SPHKAP: variants seen among roughly 807,000 people sequenced by gnomAD.
SPHKAP encodes SPHK1 interactor, AKAP domain containing, also known as A-kinase anchor protein SPHKAP.
SPHKAP carries 67 observed loss-of-function variants against 137.5 expected under a neutral mutation model. The observed-to-expected ratio is 0.49, with a 90% confidence interval of 0.40 to 0.60. The LOEUF (loss-of-function observed/expected upper bound fraction) is 0.60. SPHKAP is among the 20% of genes least tolerant of loss of function. The probability of loss-of-function intolerance (pLI) is 0.00; values close to 1 mark genes in which losing one functional copy is unlikely to be tolerated. For synonymous variants in SPHKAP, 813 were observed against 785.3 expected (o/e 1.04, Z -0.59); for missense variants, 2,097 against 2,069.3 (o/e 1.01, Z -0.26).
chr2:228,096,870 A>G (rs960642578), intron 3 of SPHKAP, among the ~76,000 whole-genome samples: 3 of 152,304 alleles, frequency 2.0e-5, no homozygotes, highest in African/African-American at 4.8e-5. Context: ...AAAGAAAGAA[A>G]TCATACTCTG....
At chr2:228,003,792 A>G (rs186342759) in intron 7 of SPHKAP, among the ~76,000 whole-genome samples, 32 of 152,334 alleles carry the variant, frequency 2.1e-4, no homozygotes, top group Non-Finnish European at 3.7e-4. Flanking sequence ...AATTTTGTCA[A>G]AGGACTTTTC....
intron 7 of SPHKAP, among the ~76,000 whole-genome samples, chr2:228,009,354 C>T (rs1285442800): frequency 6.6e-6 from 1 of 152,026 alleles, no homozygotes; most frequent in Non-Finnish European, 1.5e-5. Context: ...GATTTTCTTT[C>T]TGTTGATCCT....
At chr2:228,100,800 TTTGTTG>T (rs531326490) in intron 3 of SPHKAP, among the ~76,000 whole-genome samples, 6 of 151,904 alleles carry the variant, frequency 3.9e-5, no homozygotes, top group South Asian at 2.1e-4. Flanking sequence ...TGGCATGCAG[TTTGTTG>T]TTGTTGTTGT....
chr2:228,153,980 T>C lies in SPHKAP; in HGVS notation c.33-21895A>G, dbSNP rs148775123. ...AAAGCTTCCCAGAAAGAATCAGAAG[T>C]AGTTGGATAGAGAAGGATGGCAAAT... On this transcript the variant is annotated intron_variant, in intron 1 of 11. Coordinates refer to ENST00000392056, the MANE Select transcript of SPHKAP (RefSeq NM_001142644.2). 1.1e-3 allele frequency among the ~76,000 whole-genome samples: 161 copies of C among 152,114 alleles called. 3 individuals are homozygous for C. In the East Asian group the frequency reaches 0.021, roughly 20 times the overall value.
Position 228,046,668 on chromosome 2 carries a change from T to C in SPHKAP, c.247-19125A>G, listed in dbSNP as rs139646079. On this transcript the variant is annotated intron_variant, in intron 3 of 11. Transcript: ENST00000392056. Reference sequence around the variant, plus strand: ...TTATTCCCTGAAGCACTCATTAATCTGGCTTTAGTATATTCAGAAAACAAC... The same window carrying C: ...TTATTCCCTGAAGCACTCATTAATCCGGCTTTAGTATATTCAGAAAACAAC... 8.2e-4 allele frequency among the ~76,000 whole-genome samples: 125 copies of C among 152,322 alleles called. 1 individual carries two copies. The highest frequency in any genetic ancestry group is 3.4e-3 in the Middle Eastern group (1 of 294).
At chr2:227,993,419 A>G (rs1356380071) in intron 9 of SPHKAP, 115 bp downstream of exon 9, 25 of 917,052 alleles carry the variant, frequency 2.7e-5, no homozygotes, top group Middle Eastern at 4.3e-4. Context: ...ATGGAACCAC[A>G]GCAGTACAGA....
chr2:228,142,174 G>C (rs937819828), intron 1 of SPHKAP, among the ~76,000 whole-genome samples: 1 of 152,168 alleles, frequency 6.6e-6, no homozygotes, highest in African/African-American at 2.4e-5. Context: ...AGTAAAAGAG[G>C]AGAGAGAAGA....
At chr2:227,996,520 G>A (rs1490828849) in intron 7 of SPHKAP, among the ~76,000 whole-genome samples, 4 of 152,098 alleles carry the variant, frequency 2.6e-5, no homozygotes, top group South Asian at 2.1e-4. Context: ...TTCCACAGTC[G>A]GTTCCTAAGC....
intron 4 of SPHKAP, among the ~76,000 whole-genome samples, 157 bp downstream of exon 4, chr2:228,027,327 G>A (rs1695082565): frequency 1.3e-5 from 2 of 152,296 alleles, no homozygotes; most frequent in South Asian, 4.1e-4. Context: ...AAGGGCAAAC[G>A]GTAGAGGGTA....
chr2:228,114,722 A>G (rs1698649973), intron 2 of SPHKAP, among the ~76,000 whole-genome samples: 2 of 152,108 alleles, frequency 1.3e-5, no homozygotes, highest in Admixed American at 1.3e-4. Context: ...TCTTCACAAC[A>G]TTTGACAATT....
intron 3 of SPHKAP, among the ~76,000 whole-genome samples, chr2:228,033,260 CAA>C (rs1465711283): frequency 6.6e-6 from 1 of 152,054 alleles, no homozygotes; most frequent in Non-Finnish European, 1.5e-5. Flanking sequence ...TTTAAACTAA[CAA>C]AGATCAAAAG....
At chr2:228,126,995 T>C (rs575997366) in intron 2 of SPHKAP, among the ~76,000 whole-genome samples, 15 of 152,334 alleles carry the variant, frequency 9.8e-5, no homozygotes, top group African/African-American at 3.4e-4. Flanking sequence ...CTCTCACCAG[T>C]TAATTTAGCA....
At chr2:228,116,760 C>T (rs1269071882) in intron 2 of SPHKAP, among the ~76,000 whole-genome samples, 1 of 152,080 alleles carries the variant, frequency 6.6e-6, no homozygotes, top group African/African-American at 2.4e-5. Context: ...CTCTCTCTTG[C>T]TAATCTTTTG....
At position 228,082,080 on chromosome 2, in the gene SPHKAP, AT is replaced by A. The variant is rs572598579; in HGVS notation, c.246+26751del. Among the ~76,000 whole-genome samples the A allele has an allele frequency of 1.2e-3, 177 of 152,344 alleles. 1 individual carries two copies. Among genetic ancestry groups the A allele is most frequent in the Middle Eastern group, 6.8e-3 (2 of 294 alleles). On this transcript the variant is annotated intron_variant, in intron 3 of 11. Transcript: ENST00000392056. ...GAATAAGTACGATTTTTATTTACCA[AT>A]TTAAAAAACAAATAAATACTCTATT... is the stretch of plus-strand genomic sequence containing the variant.
chr2:228,061,285 G>T lies in SPHKAP; in HGVS notation c.247-33742C>A, dbSNP rs377585830. Among the ~76,000 whole-genome samples, 5 of 151,814 alleles carry T rather than the reference G, an allele frequency of 3.3e-5. 1 individual carries two copies. The highest frequency in any genetic ancestry group is 1.2e-4 in the African/African-American group (5 of 41,366). ...TATTTATTTTTTATTTTTTTGAGAT[G>T]GAGTCTTGCTCTGTCACCCAGGCTG... On this transcript the variant is annotated intron_variant, in intron 3 of 11. Coordinates refer to ENST00000392056, the MANE Select transcript of SPHKAP (RefSeq NM_001142644.2).
At chr2:227,987,442 T>C (rs1693253323) in intron 11 of SPHKAP, among the ~76,000 whole-genome samples, 1 of 152,244 alleles carries the variant, frequency 6.6e-6, no homozygotes, top group African/African-American at 2.4e-5. Flanking sequence ...TAGGAAGTGA[T>C]GTCTCTTGCT....
chr2:227,990,293 T>C (rs1032460103), intron 11 of SPHKAP, among the ~76,000 whole-genome samples: 3 of 152,224 alleles, frequency 2.0e-5, no homozygotes, highest in Admixed American at 1.3e-4. Flanking sequence ...TTTGTGACAG[T>C]TTGTTACACA....
chr2:228,098,164 C>G (rs917998727), intron 3 of SPHKAP, among the ~76,000 whole-genome samples: 6 of 151,898 alleles, frequency 4.0e-5, no homozygotes, highest in Non-Finnish European at 5.9e-5. Context: ...TAAATCTTAA[C>G]AAATGGCCAT....
intron 2 of SPHKAP, among the ~76,000 whole-genome samples, chr2:228,116,156 A>G (rs988625684): frequency 6.6e-6 from 1 of 152,146 alleles, no homozygotes; most frequent in African/African-American, 2.4e-5. Context: ...CTGACAAACT[A>G]AAACAGAGAT....
Sources: allele counts gnomAD v4.1 joint callset (sites outside exome capture counted in the v4.1 genomes callset), GRCh38; gene constraint gnomAD v4.1.1; transcripts MANE v1.5; gene names NCBI Gene and HGNC (gene_info 2026-07-23, HGNC 2026-07-21).